The following CSMD3 variants were observed in gnomAD, a reference collection of about 807,000 sequenced individuals.
CSMD3 encodes the protein CUB and sushi domain-containing protein 3.
CSMD3 carries 177 observed loss-of-function variants against 435.2 expected under a neutral mutation model. That is an observed-to-expected ratio of 0.41 (90% CI 0.36 to 0.46). The LOEUF (loss-of-function observed/expected upper bound fraction) is 0.46. CSMD3 is among the 20% of genes least tolerant of loss of function. CSMD3 has a pLI of 0.34. For missense variants in CSMD3, 4,265 were observed against 4,504.6 expected, an observed-to-expected ratio of 0.95 and a Z score of 1.52; for synonymous variants, 1,656 against 1,520.5, an observed-to-expected ratio of 1.09 and a Z score of -2.07.
At chr8:112,833,227 C>T (rs1225883244) in intron 11 of CSMD3, among the ~76,000 whole-genome samples, 1 of 152,018 alleles carries the variant, frequency 6.6e-6, no homozygotes, top group African/African-American at 2.4e-5. Context: ...TGCAGTGAAT[C>T]TGTAACTGAT....
At chr8:113,242,984 A>G (rs2093235850) in intron 3 of CSMD3, among the ~76,000 whole-genome samples, 1 of 152,032 alleles carries the variant, frequency 6.6e-6, no homozygotes, top group Admixed American at 6.6e-5. Flanking sequence ...ATGATACTCT[A>G]GCACAAATAA....
At chr8:113,218,229 T>G (rs1416075110) in intron 3 of CSMD3, among the ~76,000 whole-genome samples, 1 of 150,518 alleles carries the variant, frequency 6.6e-6, no homozygotes, top group Non-Finnish European at 1.5e-5. Flanking sequence ...AGAAAGTCCC[T>G]CAGGCCTAAG....
Position 112,224,579 on chromosome 8 carries a change from G to A in CSMD3, c.*192C>T. The A allele has an allele frequency of 1.6e-6, 1 of 641,664 alleles. No individual in the cohort carries two copies. 39.7% of individuals were successfully genotyped at this position (641,664 alleles called of 1,614,324 possible). On this transcript the variant is annotated 3_prime_UTR_variant, in exon 71 of 71. Transcript: ENST00000297405. Reference sequence around the variant, plus strand: ...ACTCTCAGAGTGCAGCCAAATTTCTGTAAAACTCTCCATGGTAAACATGAA... The same window carrying A: ...ACTCTCAGAGTGCAGCCAAATTTCTATAAAACTCTCCATGGTAAACATGAA...
intron 13 of CSMD3, among the ~76,000 whole-genome samples, chr8:112,721,940 T>G (rs1427814950): frequency 6.6e-6 from 1 of 152,096 alleles, no homozygotes; most frequent in African/African-American, 2.4e-5. Flanking sequence ...GATCTTGCAT[T>G]GGTTAGAGTT....
intron 16 of CSMD3, among the ~76,000 whole-genome samples, chr8:112,668,898 T>A (rs1362744654): frequency 1.3e-5 from 2 of 148,192 alleles, no homozygotes; most frequent in African/African-American, 2.5e-5. Context: ...ATGGAATAGA[T>A]AACATGCAGG....
chr8:112,868,328 A>G (rs2081042058), intron 10 of CSMD3, among the ~76,000 whole-genome samples: 1 of 152,142 alleles, frequency 6.6e-6, no homozygotes, highest in Non-Finnish European at 1.5e-5. Flanking sequence ...CAGAAAGAGT[A>G]CACTCCAAAA....
At chr8:113,018,789 C>A in intron 6 of CSMD3, 1 of 408,550 alleles carries the variant, frequency 2.4e-6, no homozygotes, top group Non-Finnish European at 4.5e-6. Flanking sequence ...TATCCAATTG[C>A]TGAAGCACTT....
chr8:112,441,305 C>G (rs1396050136), intron 32 of CSMD3, among the ~76,000 whole-genome samples: 1 of 152,122 alleles, frequency 6.6e-6, no homozygotes, highest in Non-Finnish European at 1.5e-5. Flanking sequence ...ACTTCATTGT[C>G]CATATCACTG....
chr8:112,324,413 A>T (rs1823296589), intron 45 of CSMD3, among the ~76,000 whole-genome samples: 1 of 152,108 alleles, frequency 6.6e-6, no homozygotes, highest in Non-Finnish European at 1.5e-5. Context: ...TTTATTAAAT[A>T]AGTTATTATT....
intron 38 of CSMD3, among the ~76,000 whole-genome samples, chr8:112,370,030 GAA>G (rs1356839617): frequency 1.5e-4 from 10 of 66,106 alleles, no homozygotes; most frequent in African/African-American, 3.4e-4. Context: ...AGAGGAAGAA[GAA>G]GAAGAAGAAG....
chr8:112,588,828 T>A (rs1490752885), intron 22 of CSMD3, among the ~76,000 whole-genome samples: 1 of 152,108 alleles, frequency 6.6e-6, no homozygotes, highest in Non-Finnish European at 1.5e-5. Context: ...CTTTCATCCA[T>A]ATAGTGCAAC....
At chr8:112,244,108 GGTA>G (rs1456487625) in intron 65 of CSMD3, among the ~76,000 whole-genome samples, 7 of 152,034 alleles carry the variant, frequency 4.6e-5, no homozygotes, top group Non-Finnish European at 1.0e-4. Flanking sequence ...CCCAGCCTAT[GGTA>G]CTTTGTTATA....
At chr8:113,335,565 G>GTTTTTTTTTTTTTTTTTTTTTTT (rs1263100966) in intron 1 of CSMD3, among the ~76,000 whole-genome samples, 3 of 98,124 alleles carry the variant, frequency 3.1e-5, no homozygotes, top group African/African-American at 8.9e-5. Flanking sequence ...TTTTTTTTGG[G>GTTTTTTTTTTTTTTTTTTTTTTT]TATTTACATG....
chr8:112,642,498 T>C (rs1036220972), intron 20 of CSMD3, among the ~76,000 whole-genome samples: 2 of 152,184 alleles, frequency 1.3e-5, no homozygotes, highest in East Asian at 1.9e-4. Flanking sequence ...ATGGTACATA[T>C]ACATTTTATT....
chr8:113,229,946 G>C (rs1250207779), intron 3 of CSMD3, among the ~76,000 whole-genome samples: 1 of 151,458 alleles, frequency 6.6e-6, no homozygotes, highest in Non-Finnish European at 1.5e-5. Context: ...CCCATACCAC[G>C]TGAAGAAAGG....
At chr8:112,730,901 C>G (rs1181172171) in intron 13 of CSMD3, among the ~76,000 whole-genome samples, 3 of 152,064 alleles carry the variant, frequency 2.0e-5, no homozygotes, top group African/African-American at 7.2e-5. Context: ...GTTCACAGTG[C>G]TCTTGAAACC....
chr8:112,322,099 G>T (rs563533378), intron 45 of CSMD3, among the ~76,000 whole-genome samples: 1 of 152,206 alleles, frequency 6.6e-6, no homozygotes, highest in African/African-American at 2.4e-5. Context: ...GATCAACTCA[G>T]AAATTACAGA....
At chr8:112,612,848 A>AC (rs1189984183) in intron 22 of CSMD3, among the ~76,000 whole-genome samples, 1 of 150,848 alleles carries the variant, frequency 6.6e-6, no homozygotes, top group Non-Finnish European at 1.5e-5. Flanking sequence ...TTCCAGAGAC[A>AC]CCGAAATCAC....
chr8:113,095,710 C>T (rs1402325027), intron 5 of CSMD3, among the ~76,000 whole-genome samples: 2 of 151,962 alleles, frequency 1.3e-5, no homozygotes, highest in Admixed American at 6.6e-5. Context: ...ATGATACATA[C>T]AGTTTAAAAA....
Sources: gnomAD v4.1 joint callset for allele counts (sites outside exome capture counted in the v4.1 genomes callset) on GRCh38, gnomAD v4.1.1 for gene constraint, MANE v1.5 for transcripts, NCBI Gene and HGNC (gene_info 2026-07-23, HGNC 2026-07-21) for gene names.